KIF27: variants seen among roughly 807,000 people sequenced by gnomAD.
KIF27 encodes the protein kinesin family member 27, also known as kinesin-like protein KIF27.
KIF27 carries 84 observed loss-of-function variants against 141.8 expected under a neutral mutation model. That is an observed-to-expected ratio of 0.59 (90% confidence interval 0.50 to 0.71). KIF27 has a LOEUF of 0.71. Among genes scored for constraint, KIF27 ranks in the 30% least tolerant of loss-of-function variants. The pLI, the probability that KIF27 is intolerant of heterozygous loss-of-function variation, is 0.00. For synonymous variants in KIF27, 471 were observed against 569.5 expected, an observed-to-expected ratio of 0.83 and a Z score of 2.46; for missense variants, 1,306 against 1,628.4, an observed-to-expected ratio of 0.80 and a Z score of 3.41.
At chr9:83,861,582 T>A (rs1054949544) in intron 13 of KIF27, among the ~76,000 whole-genome samples, 12 of 152,170 alleles carry the variant, frequency 7.9e-5, no homozygotes, top group Admixed American at 2.6e-4. Context: ...TCTATCATTG[T>A]TGGACATTTG....
chr9:83,871,713 A>G (rs961580516), intron 11 of KIF27, among the ~76,000 whole-genome samples: 14 of 151,096 alleles, frequency 9.3e-5, no homozygotes, highest in South Asian at 2.1e-4. Context: ...TTTCTAGACA[A>G]AGTCTCACTC....
chr9:83,845,652 G>C (rs1259766153), intron 16 of KIF27, among the ~76,000 whole-genome samples: 3 of 152,238 alleles, frequency 2.0e-5, no homozygotes, highest in Admixed American at 1.3e-4. Flanking sequence ...AAGGATACCA[G>C]TGAAGGAAAA....
At chr9:83,848,555 T>C (rs1564289318) in intron 16 of KIF27, 1 of 146,204 alleles carries the variant, frequency 6.8e-6, no homozygotes, top group Non-Finnish European at 1.5e-5. Context: ...CATATATCTA[T>C]ATCTATATAT....
chr9:83,886,718 T>C (rs1293504585), intron 9 of KIF27, among the ~76,000 whole-genome samples: 1 of 152,116 alleles, frequency 6.6e-6, no homozygotes, highest in Non-Finnish European at 1.5e-5. Context: ...ACTGCACCAC[T>C]GCACTCCAGC....
At chr9:83,917,561 C>CA (rs1029675696) in intron 1 of KIF27, among the ~76,000 whole-genome samples, 1 of 152,056 alleles carries the variant, frequency 6.6e-6, no homozygotes, top group Admixed American at 6.6e-5. Flanking sequence ...ATTTCAAAAC[C>CA]AAACAACAGT....
chr9:83,874,102 C>T (rs748771789), intron 11 of KIF27, among the ~76,000 whole-genome samples: 4 of 151,786 alleles, frequency 2.6e-5, no homozygotes, highest in Non-Finnish European at 4.4e-5. Context: ...CCACATGTTG[C>T]TCCAGACAAT....
rs7027580 is a variant in KIF27 at position 83,852,808 on chromosome 9, T to G, written c.3357+821A>C. On this transcript the variant is annotated intron_variant, in intron 15 of 17. Transcript: ENST00000297814. ...CATACCCGGCTAATTTTGGTATTTT[T>G]TGTAGAGAAAGGATCTCAAATTCTG... Among the ~76,000 whole-genome samples the G allele has an allele frequency of 4.6e-3, 693 of 152,238 alleles. 3 individuals are homozygous for G. Among genetic ancestry groups the G allele is most frequent in the African/African-American group, 0.016 (650 of 41,540 alleles).
Position 83,883,867 on chromosome 9 carries a change from T to TA in KIF27, c.2390dup (p.Leu799IlefsTer7), listed in dbSNP as rs902129167. 6.2e-7 allele frequency: 1 copy of TA among 1,613,376 alleles called. No homozygotes were observed. The highest frequency in any genetic ancestry group is 1.3e-5 in the African/African-American group (1 of 74,924). ...TTTTACGAAACTCTTTCTGTAATTT[T>TA]ACCTTCATTGCAACATCAGAAAGAT... is the stretch of plus-strand genomic sequence containing the variant. On this transcript the variant is annotated frameshift_variant, in exon 10 of 18. Transcript: ENST00000297814. LOFTEE classifies it high-confidence loss of function.
intron 16 of KIF27, chr9:83,848,595 AATATATGCATATATGCATATATGATAT>A (rs1564289504): frequency 6.8e-6 from 1 of 147,562 alleles, no homozygotes; most frequent in Non-Finnish European, 1.5e-5. Flanking sequence ...ATGCTATATG[AATATATGCATATATGCATATATGATAT>A]ATATATGCTA....
chr9:83,840,746 G>A (rs771568598), intron 17 of KIF27, among the ~76,000 whole-genome samples: 21 of 152,168 alleles, frequency 1.4e-4, no homozygotes, highest in Non-Finnish European at 2.2e-4. Context: ...AGTATTTCAA[G>A]TAAATGAGTT....
rs1167687367 is a variant in KIF27, at chr9:83,921,430, C to T, written c.-147G>A. The T allele has an allele frequency of 1.3e-5, 2 of 152,636 alleles. No homozygotes were observed. The highest frequency in any genetic ancestry group is 4.8e-5 in the African/African-American group (2 of 41,476). The allele number at this position is 152,636 out of a possible 1,614,324, so 9.5% of individuals were successfully genotyped here. ...GCTGGACTCCTCAGCTTCGCTCTGC[C>T]ACACCGCGCAGCCGCCGTCCGCGTC... On this transcript the variant is annotated 5_prime_UTR_variant, in exon 1 of 18. Coordinates refer to ENST00000297814, the MANE Select transcript of KIF27 (RefSeq NM_017576.4).
chr9:83,881,667 G>A (rs541877433), intron 10 of KIF27, among the ~76,000 whole-genome samples: 1 of 152,342 alleles, frequency 6.6e-6, no homozygotes, highest in African/African-American at 2.4e-5. Flanking sequence ...ACTACTTTGG[G>A]TACCACTGGC....
In KIF27 at chr9:83,870,577, A is replaced by G. The variant is rs750470392; in HGVS notation, c.2699T>C (p.Leu900Pro). 1.2e-5 allele frequency: 20 copies of G among 1,613,810 alleles called. No homozygotes were observed. Among genetic ancestry groups the G allele is most frequent in the Admixed American group, 6.7e-5 (4 of 59,988 alleles). Residue 900 changes from leucine to proline, a missense_variant, in exon 12 of 18, where the codon CTT becomes CCT. Physicochemically the swap from Leu to Pro is moderately conservative, Grantham distance 98. Transcript: ENST00000297814. ...EEGLKPKAED[L>P]DACNLKRRKG... ...TCTCCTTTTCAAGTTACATGCATCA[A>G]GGTCCTCAGCTTTCGGTTTTAGACC...
At chr9:83,898,618 C>A (rs1391566923) in intron 5 of KIF27, 1 of 151,988 alleles carries the variant, frequency 6.6e-6, no homozygotes, top group African/African-American at 2.4e-5. Flanking sequence ...GATTAATATG[C>A]ATTGTTTTGT....
At chr9:83,913,951 T>A (rs1371945631) in intron 2 of KIF27, among the ~76,000 whole-genome samples, 2 of 152,052 alleles carry the variant, frequency 1.3e-5, no homozygotes, top group African/African-American at 4.8e-5. Context: ...TTAAAAAAAG[T>A]AGAAAGAAAA....
chr9:83,834,693 C>T lies in KIF27; in HGVS notation c.*2308G>A, dbSNP rs1295507284. The stretch of plus-strand genomic sequence containing the variant: ...GCACATTACTTAATCTTATAAGGAA[C>T]TTATTATTAGGATCTTCATTAATAA... On this transcript the variant is annotated 3_prime_UTR_variant, in exon 18 of 18. Coordinates refer to ENST00000297814, the MANE Select transcript of KIF27 (RefSeq NM_017576.4). Among the ~76,000 whole-genome samples the T allele has an allele frequency of 1.3e-5, 2 of 151,294 alleles. No individual in the cohort carries two copies. The highest frequency in any genetic ancestry group is 3.0e-5 in the Non-Finnish European group (2 of 67,780).
chr9:83,907,437 T>G (rs539821254), intron 3 of KIF27, among the ~76,000 whole-genome samples: 1 of 152,128 alleles, frequency 6.6e-6, no homozygotes, highest in East Asian at 1.9e-4. Context: ...TTAACTTTCT[T>G]CCTTATACTT....
chr9:83,903,806 A>G lies in KIF27; in HGVS notation c.712T>C (p.Ser238Pro). The G allele has an allele frequency of 1.2e-6, 2 of 1,614,180 alleles. No individual in the cohort carries two copies. Among genetic ancestry groups the G allele is most frequent in the Non-Finnish European group, 1.7e-6 (2 of 1,180,030 alleles). The change falls in exon 4 of 18, where the codon TCA becomes CCA. Residue 238 changes from serine (S) to proline (P), a missense_variant. Around this residue, in one of 4 missense-constraint regions of KIF27, gnomAD observed 533 missense variants for 565.6 expected, o/e 0.94. Coordinates refer to ENST00000297814, the MANE Select transcript of KIF27 (RefSeq NM_017576.4). ...GSWYSPRHIV[S>P]KFHFVDLAGS... Reference sequence around the variant, plus strand: ...GCCAAATCCACAAAGTGGAACTTTGAGACAATATGCCGAGGGGAATACCAT... The same window carrying G: ...GCCAAATCCACAAAGTGGAACTTTGGGACAATATGCCGAGGGGAATACCAT...
intron 5 of KIF27, among the ~76,000 whole-genome samples, chr9:83,896,112 G>A (rs540291922): frequency 3.3e-5 from 5 of 151,528 alleles, no homozygotes; most frequent in South Asian, 2.1e-4. Context: ...GCATGGCAGC[G>A]GGTGCCTGTA....
Sources: allele counts gnomAD v4.1 joint callset (sites outside exome capture counted in the v4.1 genomes callset), GRCh38; gene constraint gnomAD v4.1.1; regional missense constraint gnomAD v4.1.1; transcripts MANE v1.5; gene names NCBI Gene and HGNC (gene_info 2026-07-23, HGNC 2026-07-21).